TGM2: variants seen among roughly 807,000 people sequenced by gnomAD.
The protein encoded by TGM2 is transglutaminase 2.
In TGM2, 53 loss-of-function variants were observed where a neutral mutation model predicts 75.6. The ratio of observed to expected loss-of-function variants is 0.70; its 90% CI spans 0.56 to 0.88. TGM2 has a LOEUF of 0.88. TGM2 is among the 40% of genes least tolerant of loss of function. The probability of loss-of-function intolerance (pLI) is 0.00; values close to 1 mark genes in which losing one functional copy is unlikely to be tolerated. For synonymous variants in TGM2, 374 were observed against 381.1 expected, an observed-to-expected ratio of 0.98 and a Z score of 0.22; for missense variants, 842 against 928.5, an observed-to-expected ratio of 0.91 and a Z score of 1.21.
chr20:38,139,762 CG>C (rs1390111438), intron 8 of TGM2, 108 bp from the exon 9 acceptor site: 1 of 1,452,654 alleles, frequency 6.9e-7, no homozygotes, highest in Non-Finnish European at 9.3e-7. Context: ...CAAGACCACG[CG>C]GCCCTCTGAC....
Position 38,161,442 on chromosome 20 carries a change from A to T in TGM2, c.168T>A (p.Ser56Arg). The change falls in exon 2 of 13, where the codon AGT becomes AGA. Residue 56 changes from serine to arginine, a missense_variant. Ser to Arg is a moderately radical substitution (Grantham distance 110, BLOSUM62 -1). Coordinates refer to ENST00000361475, the MANE Select transcript of TGM2 (RefSeq NM_004613.4). ...CACCGGTCACGACACTGAAGGTGAGACTGTCTACACTGGCCTCGTAGTTGC... is the reference window on the plus strand; with the variant it reads ...CACCGGTCACGACACTGAAGGTGAGTCTGTCTACACTGGCCTCGTAGTTGC... ...EGRNYEASVD[S>R]LTFSVVTGPA... 1 of 1,614,040 alleles carries T rather than the reference A, an allele frequency of 6.2e-7. No homozygotes were observed. Among genetic ancestry groups the T allele is most frequent in the South Asian group, 1.1e-5 (1 of 91,072 alleles).
Sources: gnomAD v4.1 joint callset for allele counts on GRCh38, gnomAD v4.1.1 for gene constraint, MANE v1.5 for transcripts, NCBI Gene and HGNC (gene_info 2026-07-23, HGNC 2026-07-21) for gene names.